C10orf67: variants seen among roughly 807,000 people sequenced by gnomAD.
C10orf67 encodes uncharacterized protein C10orf67, mitochondrial.
A neutral mutation model predicts 35.6 loss-of-function variants in C10orf67; 60 were observed. The observed-to-expected ratio is 1.68, with a 90% confidence interval of 1.37 to 2.09. The LOEUF (loss-of-function observed/expected upper bound fraction) is 2.09. C10orf67 is among the 30% of genes most tolerant of loss of function. The probability of loss-of-function intolerance (pLI) is 0.00; values close to 1 mark genes in which losing one functional copy is unlikely to be tolerated. For synonymous variants in C10orf67, 167 were observed against 115.8 expected, an observed-to-expected ratio of 1.44 and a Z score of -2.84; for missense variants, 474 against 330.2, an observed-to-expected ratio of 1.44 and a Z score of -3.38.
intron 8 of C10orf67, among the ~76,000 whole-genome samples, chr10:23,276,087 G>C (rs1843179558): frequency 6.6e-6 from 1 of 152,108 alleles, no homozygotes; most frequent in South Asian, 2.1e-4. Flanking sequence ...GGACTGTGGG[G>C]TTTCTCAGGA....
At chr10:23,309,337 A>G (rs1844408946) in intron 4 of C10orf67, among the ~76,000 whole-genome samples, 1 of 152,188 alleles carries the variant, frequency 6.6e-6, no homozygotes, top group Non-Finnish European at 1.5e-5. Flanking sequence ...GAGCTAAACA[A>G]CGGGTACACA....
At position 23,267,181 on chromosome 10, in the gene C10orf67, A is replaced by AG; in HGVS notation, c.1035+13_1035+14insC. ...TAAAAGAGAAAGAGAGAGAGAAAAAACTTAAATACAAACCTTTACACTTAA... is the reference window on the plus strand; with the variant it reads ...TAAAAGAGAAAGAGAGAGAGAAAAAAGCTTAAATACAAACCTTTACACTTAA... On this transcript the variant is annotated intron_variant, in intron 9 of 15. Coordinates refer to ENST00000636213, the MANE Select transcript of C10orf67 (RefSeq NM_001371909.1). 1 of 706,610 alleles carries AG rather than the reference A, an allele frequency of 1.4e-6. No individual in the cohort carries two copies. Among genetic ancestry groups the AG allele is most frequent in the African/African-American group, 1.8e-5 (1 of 56,580 alleles). 43.8% of individuals were successfully genotyped at this position (706,610 alleles called of 1,614,324 possible).
intron 2 of C10orf67, among the ~76,000 whole-genome samples, chr10:23,331,190 G>A (rs1458407675): frequency 2.7e-5 from 3 of 109,592 alleles, no homozygotes; most frequent in South Asian, 3.8e-4. Context: ...GAAGGGAAGG[G>A]AAGGGAAGGG....
chr10:23,329,577 G>C (rs1845349769), intron 2 of C10orf67, among the ~76,000 whole-genome samples: 1 of 151,918 alleles, frequency 6.6e-6, no homozygotes, highest in Non-Finnish European at 1.5e-5. Context: ...AACAACAATA[G>C]TGTAAGAAAA....
rs201367405 is a variant in C10orf67 at position 23,263,912 on chromosome 10, A to G, written c.1200+2350T>C. Among the ~76,000 whole-genome samples, 3 of 152,232 alleles carry G rather than the reference A, an allele frequency of 2.0e-5. No individual in the cohort carries two copies. In the East Asian group the frequency reaches 5.8e-4, roughly 29 times the overall value. On this transcript the variant is annotated intron_variant, in intron 10 of 15. Coordinates refer to ENST00000636213, the MANE Select transcript of C10orf67 (RefSeq NM_001371909.1). ...TAGAAATCAGACAGCTAATGTTCAT[A>G]TCGTATTTTTCAGACTGGCTAAACA... is the stretch of plus-strand genomic sequence containing the variant.
At chr10:23,332,648 C>T (rs565637558) in intron 2 of C10orf67, among the ~76,000 whole-genome samples, 31 of 149,902 alleles carry the variant, frequency 2.1e-4, no homozygotes, top group African/African-American at 6.9e-4. Flanking sequence ...CACACCTCTG[C>T]CTAGGTGACA....
At chr10:23,295,595 C>T (rs1843857720) in intron 5 of C10orf67, among the ~76,000 whole-genome samples, 1 of 152,136 alleles carries the variant, frequency 6.6e-6, no homozygotes. Context: ...TCTAGTTTAG[C>T]CAGGCGGGTA....
chr10:23,285,525 T>C (rs1490373471), intron 7 of C10orf67, among the ~76,000 whole-genome samples: 1 of 151,790 alleles, frequency 6.6e-6, no homozygotes, highest in Admixed American at 6.6e-5. Flanking sequence ...TTTATCCCAA[T>C]ATATATTCAA....
chr10:23,202,176 C>T (rs745407287), downstream of C10orf67: 4 of 152,228 alleles, frequency 2.6e-5, no homozygotes, highest in African/African-American at 7.2e-5. Context: ...CAAACTATTT[C>T]GATACAATAT....
intron 13 of C10orf67, among the ~76,000 whole-genome samples, chr10:23,237,692 A>G (rs1842083669): frequency 1.3e-5 from 2 of 152,214 alleles, no homozygotes; most frequent in South Asian, 4.1e-4. Context: ...CAAAGTATAA[A>G]CTGTGTGAGT....
chr10:23,326,849 C>T (rs1235928866), intron 2 of C10orf67, among the ~76,000 whole-genome samples: 1 of 151,954 alleles, frequency 6.6e-6, no homozygotes, highest in Non-Finnish European at 1.5e-5. Context: ...GAAAGAAGTA[C>T]TGAGATATGG....
intron 15 of C10orf67, among the ~76,000 whole-genome samples, chr10:23,215,269 AT>A (rs1396262146): frequency 6.6e-6 from 1 of 151,766 alleles, no homozygotes; most frequent in Non-Finnish European, 1.5e-5. Context: ...AATTTGACAA[AT>A]TTTTCACACC....
At chr10:23,306,555 T>C (rs1384522684) in intron 4 of C10orf67, among the ~76,000 whole-genome samples, 1 of 138,304 alleles carries the variant, frequency 7.2e-6, no homozygotes, top group Non-Finnish European at 1.6e-5. Context: ...AAAAAAAGAA[T>C]GGTGGTTGAC....
chr10:23,332,032 GAC>G (rs1397232271), intron 2 of C10orf67, among the ~76,000 whole-genome samples: 1 of 152,196 alleles, frequency 6.6e-6, no homozygotes, highest in Non-Finnish European at 1.5e-5. Context: ...CCTTCAAAAT[GAC>G]TAATGCATAC....
At chr10:23,251,913 G>T (rs1211054083) in intron 10 of C10orf67, among the ~76,000 whole-genome samples, 2 of 152,130 alleles carry the variant, frequency 1.3e-5, no homozygotes, top group Non-Finnish European at 2.9e-5. Context: ...GCTAACCACA[G>T]TCCTCTGGCC....
intron 13 of C10orf67, 101 bp downstream of exon 13, chr10:23,239,628 C>A (rs7075896): frequency 0.21 from 111,477 of 540,288 alleles, 14,154 homozygotes; most frequent in African/African-American, 0.41. Context: ...ATCTCTAGAG[C>A]CTGTAATGAC....
At chr10:23,330,439 C>T (rs966802426) in intron 2 of C10orf67, among the ~76,000 whole-genome samples, 4 of 152,042 alleles carry the variant, frequency 2.6e-5, no homozygotes, top group Non-Finnish European at 4.4e-5. Context: ...ATCCAGTCTA[C>T]GTGACAGAGT....
chr10:23,235,917 C>A (rs987744837), intron 13 of C10orf67, among the ~76,000 whole-genome samples: 6 of 151,840 alleles, frequency 4.0e-5, no homozygotes, highest in African/African-American at 1.5e-4. Context: ...GAGTTCGAGA[C>A]CAGCCTGGCC....
intron 12 of C10orf67, among the ~76,000 whole-genome samples, chr10:23,240,585 A>T (rs994075657): frequency 2.0e-5 from 3 of 152,234 alleles, no homozygotes; most frequent in Non-Finnish European, 4.4e-5. Flanking sequence ...GCCTATCTTG[A>T]TTGCAAGCGA....
Sources: gnomAD v4.1 joint callset for allele counts (sites outside exome capture counted in the v4.1 genomes callset) on GRCh38, gnomAD v4.1.1 for gene constraint, MANE v1.5 for transcripts, NCBI Gene and HGNC (gene_info 2026-07-23, HGNC 2026-07-21) for gene names.